ASIC2: variants seen among roughly 807,000 people sequenced by gnomAD.
ASIC2 encodes the protein acid-sensing ion channel 2.
ASIC2 carries 25 observed loss-of-function variants against 57.3 expected under a neutral mutation model. The observed-to-expected ratio is 0.44, with a 90% CI of 0.32 to 0.61. ASIC2 has a LOEUF of 0.61. Ranked by LOEUF, ASIC2 falls within the 20% of genes least tolerant of loss-of-function variation. The probability of loss-of-function intolerance (pLI) is 0.06; values close to 1 mark genes in which losing one functional copy is unlikely to be tolerated. For missense variants in ASIC2, 641 were observed against 738.1 expected (o/e 0.87, Z 1.52); for synonymous variants, 319 against 307.5 (o/e 1.04, Z -0.39).
intron 1 of ASIC2, among the ~76,000 whole-genome samples, chr17:33,649,189 A>G (rs1372873344): frequency 6.6e-6 from 1 of 152,250 alleles, no homozygotes; most frequent in African/African-American, 2.4e-5. Flanking sequence ...ACCGTCTACA[A>G]CTAATAAGTG....
At chr17:33,252,419 G>A (rs1226868565) in intron 1 of ASIC2, among the ~76,000 whole-genome samples, 3 of 152,238 alleles carry the variant, frequency 2.0e-5, no homozygotes, top group African/African-American at 7.2e-5. Flanking sequence ...GGTCTACAAG[G>A]ACCCGATACA....
chr17:33,932,741 A>AAAATATATATATATATATAT (rs1555572867), intron 1 of ASIC2: 2 of 58,696 alleles, frequency 3.4e-5, no homozygotes, highest in African/African-American at 6.8e-5. Context: ...AAAAAAAAAA[A>AAAATATATATATATATATAT]ATATATATAT....
chr17:33,729,109 A>G (rs1909655656), intron 1 of ASIC2, among the ~76,000 whole-genome samples: 1 of 152,184 alleles, frequency 6.6e-6, no homozygotes, highest in Non-Finnish European at 1.5e-5. Context: ...TCTATAAAGA[A>G]AGAAGTTTAA....
chr17:33,823,693 C>G (rs887765948), intron 1 of ASIC2, among the ~76,000 whole-genome samples: 1 of 152,206 alleles, frequency 6.6e-6, no homozygotes, highest in African/African-American at 2.4e-5. Context: ...CAGACCTGGA[C>G]CACCAGTAAT....
chr17:33,545,143 A>G (rs960759462), intron 1 of ASIC2, among the ~76,000 whole-genome samples: 80 of 152,324 alleles, frequency 5.3e-4, no homozygotes, highest in African/African-American at 1.8e-3. Context: ...GCCCTACTCC[A>G]TAGATAAATC....
At chr17:33,291,013 G>C (rs1248668853) in intron 1 of ASIC2, 2 of 161,370 alleles carry the variant, frequency 1.2e-5, no homozygotes, top group Non-Finnish European at 1.2e-5. Context: ...CCAAAGACAA[G>C]AAGTCCGCAC....
chr17:33,384,683 C>G (rs1478895259), intron 1 of ASIC2, among the ~76,000 whole-genome samples: 2 of 152,164 alleles, frequency 1.3e-5, no homozygotes, highest in Admixed American at 1.3e-4. Context: ...AAGGACGTGT[C>G]CTTCAGTCCT....
At chr17:33,018,900 C>G (rs2091821901) in intron 7 of ASIC2, among the ~76,000 whole-genome samples, 1 of 152,172 alleles carries the variant, frequency 6.6e-6, no homozygotes, top group African/African-American at 2.4e-5. Context: ...CCTGAGAACT[C>G]TCTGGTAGGC....
intron 1 of ASIC2, among the ~76,000 whole-genome samples, chr17:33,661,899 C>T (rs974276177): frequency 6.6e-5 from 10 of 152,114 alleles, no homozygotes; most frequent in Non-Finnish European, 1.3e-4. Context: ...TCTATTCATC[C>T]GCTGTAACCC....
At chr17:33,548,874 A>T (rs1915661345) in intron 1 of ASIC2, among the ~76,000 whole-genome samples, 1 of 152,032 alleles carries the variant, frequency 6.6e-6, no homozygotes. Context: ...TCTTCCCGTC[A>T]TTCACAACTT....
intron 6 of ASIC2, among the ~76,000 whole-genome samples, chr17:33,023,220 G>A (rs1268500352): frequency 1.3e-5 from 2 of 152,150 alleles, no homozygotes; most frequent in Non-Finnish European, 2.9e-5. Flanking sequence ...AGGCGCGGTG[G>A]CTCACACCTG....
chr17:33,738,950 G>C (rs1910012155), intron 1 of ASIC2, among the ~76,000 whole-genome samples: 1 of 152,160 alleles, frequency 6.6e-6, no homozygotes, highest in Non-Finnish European at 1.5e-5. Flanking sequence ...AGTTTCCAAG[G>C]AAGAAAAGAC....
intron 1 of ASIC2, among the ~76,000 whole-genome samples, chr17:33,522,000 G>A (rs528703124): frequency 1.4e-4 from 22 of 152,306 alleles, no homozygotes; most frequent in African/African-American, 4.8e-4. Context: ...CTGGGCAGCC[G>A]CTGCCTGGCC....
chr17:33,535,166 G>A (rs1915186713), intron 1 of ASIC2, among the ~76,000 whole-genome samples: 2 of 152,164 alleles, frequency 1.3e-5, no homozygotes, highest in African/African-American at 4.8e-5. Context: ...ATCTGTGTAG[G>A]GAAGTGGTTG....
At chr17:34,060,055 T>C (rs960104207) in intron 1 of ASIC2, among the ~76,000 whole-genome samples, 4 of 152,132 alleles carry the variant, frequency 2.6e-5, no homozygotes, top group African/African-American at 9.7e-5. Context: ...AAATAGAGCA[T>C]TAAACCACCA....
intron 1 of ASIC2, among the ~76,000 whole-genome samples, chr17:33,801,657 T>C (rs1912136368): frequency 6.6e-6 from 1 of 152,204 alleles, no homozygotes; most frequent in South Asian, 2.1e-4. Context: ...CTTAGCATAG[T>C]GTCTCAACAC....
At chr17:33,084,899 G>C (rs2092128994) in intron 3 of ASIC2, among the ~76,000 whole-genome samples, 1 of 152,222 alleles carries the variant, frequency 6.6e-6, no homozygotes, top group Non-Finnish European at 1.5e-5. Flanking sequence ...TGCAGGTTAA[G>C]AAAGCAATCT....
chr17:33,029,227 A>G (rs939830539), intron 3 of ASIC2, among the ~76,000 whole-genome samples: 1 of 152,234 alleles, frequency 6.6e-6, no homozygotes, highest in East Asian at 1.9e-4. Context: ...CACACCAACC[A>G]AGATAGAGGA....
chr17:33,808,598 T>A (rs1445317819), intron 1 of ASIC2, among the ~76,000 whole-genome samples: 5 of 152,212 alleles, frequency 3.3e-5, no homozygotes, highest in Admixed American at 3.3e-4. Context: ...TTGCACTGAA[T>A]CTATGGATCA....
Sources: allele counts gnomAD v4.1 joint callset (sites outside exome capture counted in the v4.1 genomes callset), GRCh38; gene constraint gnomAD v4.1.1; transcripts MANE v1.5; gene names NCBI Gene and HGNC (gene_info 2026-07-23, HGNC 2026-07-21).